Variants in HDAC8 observed in about 807,000 individuals in gnomAD.
HDAC8 encodes the protein histone deacetylase 8, also known as histone deacetylase-like 1.
A neutral mutation model predicts 32.2 loss-of-function variants in HDAC8; 1 was observed. The ratio of observed to expected loss-of-function variants is 0.03; its 90% CI spans 0.01 to 0.15. HDAC8 has a LOEUF of 0.15. Among genes scored for constraint, HDAC8 ranks in the 10% least tolerant of loss-of-function variants. HDAC8 has a pLI of 1.00. For synonymous variants in HDAC8, 108 were observed against 113.9 expected (o/e 0.95, Z 0.33); for missense variants, 117 against 300.0 (o/e 0.39, Z 4.51).
chrX:72,559,860 C>T (rs1481208228), intron 4 of HDAC8, among the ~76,000 whole-genome samples: 2 of 110,040 alleles, frequency 1.8e-5, no homozygotes, highest in African/African-American at 6.6e-5. Flanking sequence ...AAGTGAGGAG[C>T]GTCTCCGCCT....
intron 1 of HDAC8, 182 bp downstream of exon 1, chrX:72,572,469 C>G (rs927036533): frequency 2.3e-5 from 10 of 426,323 alleles, no homozygotes; most frequent in Middle Eastern, 6.4e-4. Context: ...AGACATGCTG[C>G]GCTCTCAGAA....
chrX:72,340,626 G>A (rs918381153), intron 10 of HDAC8, among the ~76,000 whole-genome samples: 4 of 111,422 alleles, frequency 3.6e-5, no homozygotes, highest in Non-Finnish European at 7.5e-5. Context: ...GGCCTTGGAC[G>A]CCACCAGAAG....
chrX:72,381,942 G>A (rs1247774677), intron 9 of HDAC8, among the ~76,000 whole-genome samples: 4 of 112,480 alleles, frequency 3.6e-5, no homozygotes, highest in African/African-American at 1.3e-4. Context: ...TTGACAAATG[G>A]TCAGCAGCTC....
At chrX:72,407,913 C>A (rs1296076285) in intron 9 of HDAC8, among the ~76,000 whole-genome samples, 5 of 112,202 alleles carry the variant, frequency 4.5e-5, no homozygotes, top group African/African-American at 1.6e-4. Context: ...AGTTATCATT[C>A]TTATATCTTC....
chrX:72,547,257 CTT>C (rs2050893297), intron 4 of HDAC8, among the ~76,000 whole-genome samples: 1 of 110,475 alleles, frequency 9.1e-6, no homozygotes, highest in South Asian at 3.9e-4. Flanking sequence ...GTTGAGAACT[CTT>C]TTCTTCCTTA....
At chrX:72,461,042 T>A (rs1298898651) in intron 9 of HDAC8, among the ~76,000 whole-genome samples, 1 of 112,237 alleles carries the variant, frequency 8.9e-6, no homozygotes, top group African/African-American at 3.2e-5. Context: ...GAAATTAGTT[T>A]AAGTTGTTTC....
chrX:72,507,460 A>G (rs1827398760), intron 4 of HDAC8, among the ~76,000 whole-genome samples: 2 of 111,148 alleles, frequency 1.8e-5, no homozygotes, highest in African/African-American at 3.3e-5. Context: ...ATCCCCCCCA[A>G]CCTTTTGTTT....
chrX:72,371,079 AT>A (rs2044859843), intron 9 of HDAC8, among the ~76,000 whole-genome samples: 1 of 111,957 alleles, frequency 8.9e-6, no homozygotes, highest in Non-Finnish European at 1.9e-5. Flanking sequence ...TGATAATGGT[AT>A]TGTGTTTATG....
intron 9 of HDAC8, among the ~76,000 whole-genome samples, chrX:72,419,150 C>G (rs1226537106): frequency 1.8e-5 from 2 of 111,170 alleles, no homozygotes; most frequent in Admixed American, 9.5e-5. Context: ...TTTTTCCATT[C>G]GTGTCAAAAG....
chrX:72,534,540 C>T (rs781933689), intron 4 of HDAC8, among the ~76,000 whole-genome samples: 49 of 110,542 alleles, frequency 4.4e-4, no homozygotes, highest in African/African-American at 1.6e-3. Flanking sequence ...AATTCCTGAC[C>T]GCAAGTGATC....
chrX:72,433,392 T>G (rs1306244434), intron 9 of HDAC8, among the ~76,000 whole-genome samples: 1 of 111,769 alleles, frequency 8.9e-6, no homozygotes, highest in African/African-American at 3.3e-5. Flanking sequence ...GAAACAGGAG[T>G]ACTATCTACT....
At chrX:72,366,720 A>G (rs1448390052) in intron 9 of HDAC8, among the ~76,000 whole-genome samples, 2 of 112,084 alleles carry the variant, frequency 1.8e-5, no homozygotes, top group African/African-American at 3.2e-5. Context: ...AGGCCTGGTC[A>G]TTGTCAGCAG....
At chrX:72,338,599 T>C (rs2043785736) in intron 10 of HDAC8, among the ~76,000 whole-genome samples, 2 of 104,688 alleles carry the variant, frequency 1.9e-5, no homozygotes, top group African/African-American at 6.9e-5. Context: ...CTTTTAGGAA[T>C]GTTTTTATAT....
chrX:72,361,474 G>T (rs1467634308), intron 9 of HDAC8, among the ~76,000 whole-genome samples: 1 of 111,069 alleles, frequency 9.0e-6, no homozygotes, highest in African/African-American at 3.3e-5. Flanking sequence ...ACTGTAACTT[G>T]AGCACTAATT....
chrX:72,442,443 T>C (rs1555982394), intron 9 of HDAC8, among the ~76,000 whole-genome samples: 1 of 111,313 alleles, frequency 9.0e-6, no homozygotes, highest in Non-Finnish European at 1.9e-5. Flanking sequence ...CTAAGCTTCA[T>C]AAGTGAAGGA....
chrX:72,387,478 C>G (rs1431589755), intron 9 of HDAC8, among the ~76,000 whole-genome samples: 1 of 111,634 alleles, frequency 9.0e-6, no homozygotes, highest in Non-Finnish European at 1.9e-5. Flanking sequence ...CTCCCAGGCT[C>G]CAAGTAAATA....
intron 7 of HDAC8, among the ~76,000 whole-genome samples, chrX:72,480,777 A>G: frequency 9.0e-6 from 1 of 111,546 alleles, no homozygotes; most frequent in Middle Eastern, 4.6e-3. Context: ...GCTGGAAGCC[A>G]TCATTCTCAG....
chrX:72,555,085 A>G (rs1213389986), intron 4 of HDAC8, among the ~76,000 whole-genome samples: 2 of 112,169 alleles, frequency 1.8e-5, no homozygotes, highest in African/African-American at 6.5e-5. Flanking sequence ...CTCTTTACAG[A>G]CACTCCCCAG....
chrX:72,549,963 G>A (rs901208912), intron 4 of HDAC8, among the ~76,000 whole-genome samples: 2 of 111,747 alleles, frequency 1.8e-5, no homozygotes, highest in African/African-American at 3.3e-5. Context: ...GTCTGACAAC[G>A]TTACTTCTTC....
Sources: allele counts gnomAD v4.1 joint callset (sites outside exome capture counted in the v4.1 genomes callset), GRCh38; gene constraint gnomAD v4.1.1; transcripts MANE v1.5; gene names NCBI Gene and HGNC (gene_info 2026-07-23, HGNC 2026-07-21).